The following FOXP1 variants were observed in gnomAD, a reference collection of about 807,000 sequenced individuals.
The protein encoded by FOXP1 is forkhead box protein P1.
FOXP1 carries 15 observed loss-of-function variants against 98.2 expected under a neutral mutation model. That is an observed-to-expected ratio of 0.15 (90% CI 0.10 to 0.24). The LOEUF is 0.24. FOXP1 is among the 10% of genes least tolerant of loss of function. FOXP1 has a pLI of 1.00. For synonymous variants in FOXP1, 371 were observed against 314.5 expected, an observed-to-expected ratio of 1.18 and a Z score of -1.90; for missense variants, 633 against 848.5, an observed-to-expected ratio of 0.75 and a Z score of 3.15.
At chr3:71,533,333 T>G (rs2044012338) in intron 2 of FOXP1, among the ~76,000 whole-genome samples, 1 of 152,186 alleles carries the variant, frequency 6.6e-6, no homozygotes, top group African/African-American at 2.4e-5. Flanking sequence ...GCCTACTCAA[T>G]GTAAAGAACG....
At chr3:71,023,412 T>C (rs1180859104) in intron 11 of FOXP1, among the ~76,000 whole-genome samples, 1 of 152,196 alleles carries the variant, frequency 6.6e-6, no homozygotes, top group African/African-American at 2.4e-5. Flanking sequence ...ACACCTTGGG[T>C]TTCTAGAAAG....
chr3:71,411,956 T>C (rs976234630), intron 3 of FOXP1, among the ~76,000 whole-genome samples: 2 of 152,204 alleles, frequency 1.3e-5, no homozygotes, highest in African/African-American at 4.8e-5. Context: ...ATCCCAACAC[T>C]GTGACTAAAA....
chr3:71,283,226 C>A (rs775886599), intron 5 of FOXP1, among the ~76,000 whole-genome samples: 3 of 152,150 alleles, frequency 2.0e-5, no homozygotes, highest in African/African-American at 2.4e-5. Context: ...CTTGGGTTTA[C>A]GGACTCACAG....
chr3:71,474,992 A>G (rs1275681889), intron 3 of FOXP1, among the ~76,000 whole-genome samples: 1 of 151,844 alleles, frequency 6.6e-6, no homozygotes, highest in South Asian at 2.1e-4. Context: ...GGAGTTTCCC[A>G]TCTCTGTTAT....
intron 3 of FOXP1, among the ~76,000 whole-genome samples, chr3:71,477,584 A>T (rs1343169582): frequency 6.6e-5 from 10 of 152,252 alleles, no homozygotes; most frequent in African/African-American, 2.4e-4. Flanking sequence ...AAACCATACA[A>T]CATAGAGTTA....
At chr3:71,046,841 G>A in intron 10 of FOXP1, 101 bp downstream of exon 10, 1 of 1,349,020 alleles carries the variant, frequency 7.4e-7, no homozygotes, top group East Asian at 2.3e-5. Flanking sequence ...CTATGTGCAT[G>A]TTTTGATGGA....
At chr3:71,383,972 C>G (rs1372865665) in intron 3 of FOXP1, among the ~76,000 whole-genome samples, 1 of 152,170 alleles carries the variant, frequency 6.6e-6, no homozygotes, top group Non-Finnish European at 1.5e-5. Flanking sequence ...AATCCCAGCA[C>G]TTTGGGAGGC....
At chr3:71,475,247 C>T (rs1311891457) in intron 3 of FOXP1, among the ~76,000 whole-genome samples, 3 of 152,120 alleles carry the variant, frequency 2.0e-5, no homozygotes, top group Non-Finnish European at 2.9e-5. Context: ...AAGGAACACC[C>T]AAGCATTTTT....
chr3:71,003,175 TAA>T (rs1462487932), intron 12 of FOXP1, among the ~76,000 whole-genome samples: 1 of 152,182 alleles, frequency 6.6e-6, no homozygotes, highest in African/African-American at 2.4e-5. Flanking sequence ...GCCAAACTGA[TAA>T]AAGATCCAAA....
At chr3:71,564,390 G>T (rs1223962517) in intron 2 of FOXP1, among the ~76,000 whole-genome samples, 1 of 152,188 alleles carries the variant, frequency 6.6e-6, no homozygotes, top group East Asian at 1.9e-4. Context: ...ATTCCACATG[G>T]ATTATCTCAT....
chr3:71,012,558 T>C (rs2043805924), intron 12 of FOXP1, among the ~76,000 whole-genome samples: 1 of 152,192 alleles, frequency 6.6e-6, no homozygotes, highest in South Asian at 2.1e-4. Flanking sequence ...AGTATAATCC[T>C]GAGGCAAGAA....
At chr3:71,417,615 T>C (rs1027612381) in intron 3 of FOXP1, among the ~76,000 whole-genome samples, 5 of 152,148 alleles carry the variant, frequency 3.3e-5, no homozygotes, top group African/African-American at 4.8e-5. Context: ...TTCCAGCTTT[T>C]AGGAGACAAA....
At chr3:71,250,442 TAATTTA>T (rs1343801432) in intron 5 of FOXP1, among the ~76,000 whole-genome samples, 2 of 152,216 alleles carry the variant, frequency 1.3e-5, no homozygotes, top group African/African-American at 4.8e-5. Context: ...TAAGTTTAAT[TAATTTA>T]AATAGCCACA....
chr3:71,152,782 A>G (rs2060633594), intron 6 of FOXP1, among the ~76,000 whole-genome samples: 1 of 152,226 alleles, frequency 6.6e-6, no homozygotes, highest in Non-Finnish European at 1.5e-5. Context: ...GGCCTGGCAC[A>G]CAACTCACAG....
intron 4 of FOXP1, among the ~76,000 whole-genome samples, chr3:71,310,514 G>T (rs2074607701): frequency 6.6e-6 from 1 of 152,214 alleles, no homozygotes; most frequent in Non-Finnish European, 1.5e-5. Flanking sequence ...TTCTCTATCA[G>T]GCAAGAGTTC....
At chr3:71,039,048 A>G (rs2047984779) in intron 11 of FOXP1, among the ~76,000 whole-genome samples, 2 of 152,120 alleles carry the variant, frequency 1.3e-5, no homozygotes, top group Non-Finnish European at 2.9e-5. Context: ...TGATGGCTAC[A>G]TTCAGTTAAA....
chr3:71,578,946 G>T (rs2047933011), intron 2 of FOXP1, among the ~76,000 whole-genome samples: 1 of 152,098 alleles, frequency 6.6e-6, no homozygotes, highest in Non-Finnish European at 1.5e-5. Context: ...GCAGAAAATT[G>T]CCTAATAGCA....
chr3:71,158,133 G>A (rs1322808926), intron 6 of FOXP1, among the ~76,000 whole-genome samples: 34 of 56,840 alleles, frequency 6.0e-4, no homozygotes, highest in African/African-American at 8.5e-4. Context: ...GGGAGGGAGG[G>A]AGGGAGGCAG....
At chr3:71,512,138 C>G (rs1446372482) in intron 2 of FOXP1, among the ~76,000 whole-genome samples, 1 of 152,134 alleles carries the variant, frequency 6.6e-6, no homozygotes, top group Non-Finnish European at 1.5e-5. Flanking sequence ...GTCACCTGCT[C>G]AAGGTCACAT....
Sources: allele counts gnomAD v4.1 joint callset (sites outside exome capture counted in the v4.1 genomes callset), GRCh38; gene constraint gnomAD v4.1.1; transcripts MANE v1.5; gene names NCBI Gene and HGNC (gene_info 2026-07-23, HGNC 2026-07-21).